The following AFG2B variants were observed in gnomAD, a reference collection of about 807,000 sequenced individuals.
The protein encoded by AFG2B is AAA ATPase AFG2B.
the AFG2B span, among the ~76,000 whole-genome samples, chr15:45,418,065 C>T: frequency 3.3e-5 from 5 of 152,144 alleles, no homozygotes; most frequent in East Asian, 1.9e-4. Context: ...GAGATTTAGC[C>T]GGGCGTGGTG....
chr15:45,403,653 G>T, the AFG2B span: 1 of 1,115,262 alleles, frequency 9.0e-7, no homozygotes, highest in South Asian at 1.5e-5. Context: ...TTGCAATGCA[G>T]AGAACACGTT....
the AFG2B span, among the ~76,000 whole-genome samples, chr15:45,409,021 T>C: frequency 5.3e-4 from 80 of 152,312 alleles, 1 homozygote. Flanking sequence ...ATTGAAGAAA[T>C]TTAGTTAACA....
At chr15:45,418,269 G>A in the AFG2B span, among the ~76,000 whole-genome samples, 2 of 151,348 alleles carry the variant, frequency 1.3e-5, no homozygotes, top group East Asian at 1.9e-4. Context: ...ACTTGAACCC[G>A]GGAGGTGGAG....
the AFG2B span, among the ~76,000 whole-genome samples, chr15:45,412,098 C>CA: frequency 7.1e-5 from 10 of 141,674 alleles, no homozygotes; most frequent in African/African-American, 2.1e-4. Context: ...AACTCCATCT[C>CA]AAAAAAACAA....
chr15:45,419,985 G>GCCCC, the AFG2B span, among the ~76,000 whole-genome samples: 9 of 76,846 alleles, frequency 1.2e-4, no homozygotes, highest in Non-Finnish European at 2.0e-4. Context: ...GCAAGACTCT[G>GCCCC]TCCCCCCCCC....
the AFG2B span, chr15:45,414,658 G>C: frequency 1.2e-6 from 2 of 1,614,022 alleles, no homozygotes; most frequent in East Asian, 4.5e-5. Flanking sequence ...TGGGCCCCCT[G>C]GATGTGCTAA....
chr15:45,402,796 C>A, the AFG2B span: 1 of 1,593,008 alleles, frequency 6.3e-7, no homozygotes. Flanking sequence ...GGCAGGCGCG[C>A]CCGGTGCCCG....
the AFG2B span, among the ~76,000 whole-genome samples, chr15:45,403,780 G>C: frequency 5.3e-5 from 8 of 152,118 alleles, no homozygotes; most frequent in Non-Finnish European, 1.0e-4. Context: ...TAATTGTTTT[G>C]GGAAGCGAGG....
At chr15:45,417,221 T>G in the AFG2B span, 3 of 1,581,416 alleles carry the variant, frequency 1.9e-6, no homozygotes, top group Non-Finnish European at 2.6e-6. Context: ...TTTAGAAAAC[T>G]TATTAACAAC....
chr15:45,412,622 C>A, the AFG2B span, among the ~76,000 whole-genome samples: 3 of 152,004 alleles, frequency 2.0e-5, no homozygotes, highest in Non-Finnish European at 4.4e-5. Flanking sequence ...AGAAAATATT[C>A]TTTTGATTTT....
the AFG2B span, chr15:45,402,418 C>T: frequency 2.5e-6 from 4 of 1,592,886 alleles, no homozygotes; most frequent in Admixed American, 1.8e-5. Context: ...CTGCCTGGTT[C>T]ATCTGTGTGC....
At chr15:45,402,891 A>T in the AFG2B span, 1 of 1,598,446 alleles carries the variant, frequency 6.3e-7, no homozygotes, top group Non-Finnish European at 8.5e-7. Context: ...TCGCTCCGCC[A>T]GGCGCTCCTG....
chr15:45,419,997 C>CAAAAAAAAAAA, the AFG2B span, among the ~76,000 whole-genome samples: 2 of 53,706 alleles, frequency 3.7e-5, no homozygotes, highest in African/African-American at 7.0e-5. Flanking sequence ...CCCCCCCCCC[C>CAAAAAAAAAAA]AAAAAAAAAA....
At chr15:45,416,713 T>A in the AFG2B span, 2 of 152,314 alleles carry the variant, frequency 1.3e-5, no homozygotes, top group African/African-American at 4.8e-5. Context: ...TGCCTGATTA[T>A]TCAACAAATG....
At chr15:45,403,056 C>T in the AFG2B span, 2 of 1,547,680 alleles carry the variant, frequency 1.3e-6, no homozygotes, top group Non-Finnish European at 1.7e-6. Flanking sequence ...CGGAGGCGGC[C>T]GACTCGCTGC....
At chr15:45,407,890 T>G in the AFG2B span, among the ~76,000 whole-genome samples, 1 of 152,192 alleles carries the variant, frequency 6.6e-6, no homozygotes, top group South Asian at 2.1e-4. Context: ...TCAAGGAGAA[T>G]GTAAAGAGTC....
the AFG2B span, among the ~76,000 whole-genome samples, chr15:45,411,821 G>A: frequency 2.6e-5 from 4 of 152,180 alleles, no homozygotes; most frequent in Non-Finnish European, 5.9e-5. Context: ...TTTTGACTGG[G>A]CATGGTGGCT....
the AFG2B span, among the ~76,000 whole-genome samples, chr15:45,411,737 A>G: frequency 1.3e-5 from 2 of 152,156 alleles, no homozygotes; most frequent in Admixed American, 6.5e-5. Context: ...GCAGTGAGCT[A>G]TGATTGCACC....
At chr15:45,402,616 C>G in the AFG2B span, 1 of 1,576,584 alleles carries the variant, frequency 6.3e-7, no homozygotes, top group Non-Finnish European at 8.6e-7. Flanking sequence ...CACTGCCTGG[C>G]CTCGGCGGGA....
Sources: gnomAD v4.1 joint callset for allele counts (sites outside exome capture counted in the v4.1 genomes callset) on GRCh38, gnomAD v4.1.1 for gene constraint, MANE v1.5 for transcripts, NCBI Gene and HGNC (gene_info 2026-07-23, HGNC 2026-07-21) for gene names.